The following SLC23A2 variants were observed in gnomAD, a reference collection of about 807,000 sequenced individuals.
SLC23A2 encodes the protein solute carrier family 23 member 2.
SLC23A2 carries 36 observed loss-of-function variants against 73.3 expected under a neutral mutation model. The ratio of observed to expected loss-of-function variants is 0.49; its 90% CI spans 0.38 to 0.65. The LOEUF (loss-of-function observed/expected upper bound fraction) is 0.65. Among genes scored for constraint, SLC23A2 ranks in the 30% least tolerant of loss-of-function variants. The pLI is 0.00. For missense variants in SLC23A2, 507 were observed against 841.6 expected (o/e 0.60, Z 4.92); for synonymous variants, 343 against 327.3 (o/e 1.05, Z -0.52).
chr20:4,867,282 G>T (rs1357423562), intron 13 of SLC23A2, among the ~76,000 whole-genome samples: 1 of 151,998 alleles, frequency 6.6e-6, no homozygotes, highest in Non-Finnish European at 1.5e-5. Flanking sequence ...GGCCTGGAAC[G>T]CTCTCCCCCA....
chr20:4,897,716 G>A (rs1931597031), intron 6 of SLC23A2, among the ~76,000 whole-genome samples: 1 of 152,106 alleles, frequency 6.6e-6, no homozygotes, highest in African/African-American at 2.4e-5. Flanking sequence ...GTTCCCCCAG[G>A]CCCTCCCTTC....
At chr20:4,910,287 G>C (rs1320480016) in intron 4 of SLC23A2, among the ~76,000 whole-genome samples, 1 of 151,138 alleles carries the variant, frequency 6.6e-6, no homozygotes, top group Non-Finnish European at 1.5e-5. Flanking sequence ...TGAGGTAGGA[G>C]AATCGCTTGA....
chr20:4,941,080 C>T (rs1039553657), intron 2 of SLC23A2, among the ~76,000 whole-genome samples: 1 of 151,946 alleles, frequency 6.6e-6, no homozygotes, highest in African/African-American at 2.4e-5. Flanking sequence ...CACTTGAACC[C>T]AGGAGGCGGA....
chr20:4,934,382 A>T (rs1297818320), intron 2 of SLC23A2, among the ~76,000 whole-genome samples: 1 of 152,116 alleles, frequency 6.6e-6, no homozygotes, highest in Non-Finnish European at 1.5e-5. Flanking sequence ...AGGAGGGCTG[A>T]GATTGAGAAA....
chr20:4,860,043 C>T (rs902455189), intron 15 of SLC23A2, among the ~76,000 whole-genome samples: 2 of 152,156 alleles, frequency 1.3e-5, no homozygotes, highest in Non-Finnish European at 2.9e-5. Context: ...TAAAATGGTG[C>T]AGCCGCCATG....
At chr20:4,877,930 G>C (rs1421747396) in intron 9 of SLC23A2, among the ~76,000 whole-genome samples, 1 of 152,214 alleles carries the variant, frequency 6.6e-6, no homozygotes, top group African/African-American at 2.4e-5. Context: ...ATCTCCATCA[G>C]AGTGACTTAG....
intron 9 of SLC23A2, among the ~76,000 whole-genome samples, chr20:4,879,010 C>A (rs925620797): frequency 4.6e-5 from 7 of 152,052 alleles, no homozygotes; most frequent in Non-Finnish European, 1.0e-4. Flanking sequence ...AAATGATACC[C>A]GTGATAATAA....
At chr20:4,966,733 A>G (rs1005851804) in intron 2 of SLC23A2, among the ~76,000 whole-genome samples, 7 of 151,876 alleles carry the variant, frequency 4.6e-5, no homozygotes, top group Non-Finnish European at 1.0e-4. Flanking sequence ...AGGGAAAGAG[A>G]AAATGCTATT....
chr20:4,869,687 C>CACGTCATGG, intron 12 of SLC23A2: 1 of 486,330 alleles, frequency 2.1e-6, no homozygotes, highest in Non-Finnish European at 3.6e-6. Flanking sequence ...AATTCCGTTC[C>CACGTCATGG]ACGTCATGGA....
At chr20:4,946,416 T>G (rs542244566) in intron 2 of SLC23A2, among the ~76,000 whole-genome samples, 13 of 152,338 alleles carry the variant, frequency 8.5e-5, no homozygotes, top group African/African-American at 3.1e-4. Context: ...CCAGAGAGGA[T>G]GCGATGCCAC....
chr20:4,967,287 GTTTTT>G (rs200199357), intron 2 of SLC23A2, among the ~76,000 whole-genome samples: 4 of 149,572 alleles, frequency 2.7e-5, no homozygotes, highest in Admixed American at 2.0e-4. Context: ...TTATTGATGA[GTTTTT>G]TTTTTAACAC....
At chr20:4,939,170 G>C (rs1024195011) in intron 2 of SLC23A2, among the ~76,000 whole-genome samples, 1 of 152,226 alleles carries the variant, frequency 6.6e-6, no homozygotes, top group East Asian at 1.9e-4. Context: ...GTGGGAAACA[G>C]AAAGAAACAG....
intron 13 of SLC23A2, among the ~76,000 whole-genome samples, chr20:4,865,608 AG>A (rs1369952219): frequency 6.6e-6 from 1 of 152,146 alleles, no homozygotes. Flanking sequence ...GGGGTGCAGA[AG>A]GAGGAGGCTT....
chr20:5,004,115 C>G (rs2088164043), upstream of SLC23A2, among the ~76,000 whole-genome samples: 1 of 152,156 alleles, frequency 6.6e-6, no homozygotes, highest in Non-Finnish European at 1.5e-5. Context: ...TCTCCCTAGA[C>G]AAGACAGACA....
chr20:4,993,307 CAAA>C (rs35872510), intron 1 of SLC23A2, among the ~76,000 whole-genome samples: 3 of 123,136 alleles, frequency 2.4e-5, no homozygotes, highest in Non-Finnish European at 1.6e-5. Flanking sequence ...GACTCCGTCT[CAAA>C]AAAAAAAAAA....
At chr20:4,960,075 T>C (rs1277455554) in intron 2 of SLC23A2, among the ~76,000 whole-genome samples, 1 of 152,334 alleles carries the variant, frequency 6.6e-6, no homozygotes, top group East Asian at 1.9e-4. Context: ...ATTACAACTG[T>C]GAGCTATCAT....
chr20:4,929,658 T>G (rs979436221), intron 3 of SLC23A2, among the ~76,000 whole-genome samples: 39 of 152,140 alleles, frequency 2.6e-4, no homozygotes, highest in African/African-American at 8.9e-4. Flanking sequence ...CACATATATA[T>G]AAGAAATTAA....
intron 1 of SLC23A2, among the ~76,000 whole-genome samples, chr20:4,975,682 GTTTT>G (rs200955021): frequency 1.4e-5 from 2 of 142,040 alleles, no homozygotes. Context: ...TGCCCCGCCT[GTTTT>G]TTTTTTTTTA....
intron 2 of SLC23A2, among the ~76,000 whole-genome samples, chr20:4,955,382 CA>C (rs1242314625): frequency 2.6e-5 from 4 of 151,894 alleles, no homozygotes; most frequent in African/African-American, 9.7e-5. Flanking sequence ...CACACACACA[CA>C]CACACACACA....
Sources: allele counts gnomAD v4.1 joint callset (sites outside exome capture counted in the v4.1 genomes callset), GRCh38; gene constraint gnomAD v4.1.1; transcripts MANE v1.5; gene names NCBI Gene and HGNC (gene_info 2026-07-23, HGNC 2026-07-21).